ZCCHC24: variants seen among roughly 807,000 people sequenced by gnomAD.
The protein encoded by ZCCHC24 is zinc finger CCHC domain-containing protein 24.
Under a neutral mutation model 26.2 loss-of-function variants are expected in ZCCHC24, and 10 were observed. The ratio of observed to expected loss-of-function variants is 0.38; its 90% confidence interval spans 0.24 to 0.65. The LOEUF is 0.65. Ranked by LOEUF, ZCCHC24 falls within the 30% of genes least tolerant of loss-of-function variation. The pLI is 0.54. For missense variants in ZCCHC24, 243 were observed against 329.1 expected, an observed-to-expected ratio of 0.74 and a Z score of 2.03; for synonymous variants, 144 against 147.1, an observed-to-expected ratio of 0.98 and a Z score of 0.15.
intron 2 of ZCCHC24, among the ~76,000 whole-genome samples, chr10:79,406,898 A>T (rs747074976): frequency 6.6e-6 from 1 of 152,214 alleles, no homozygotes; most frequent in Non-Finnish European, 1.5e-5. Context: ...GAGGAGAAGG[A>T]GAAGGGGCTG....
intron 1 of ZCCHC24, chr10:79,443,962 T>C (rs1564643544): frequency 1.7e-6 from 2 of 1,184,708 alleles, no homozygotes; most frequent in Non-Finnish European, 2.3e-6. Context: ...ATTTTATATG[T>C]CCATGCCTCC....
intron 2 of ZCCHC24, among the ~76,000 whole-genome samples, chr10:79,422,666 T>G (rs1411027639): frequency 2.0e-5 from 3 of 152,226 alleles, no homozygotes; most frequent in Non-Finnish European, 4.4e-5. Flanking sequence ...CGATGATTGT[T>G]TTCTGTCTAA....
At chr10:79,401,676 G>A (rs936299381) in intron 2 of ZCCHC24, among the ~76,000 whole-genome samples, 1 of 152,224 alleles carries the variant, frequency 6.6e-6, no homozygotes, top group Non-Finnish European at 1.5e-5. Context: ...ATGAGAGGTT[G>A]GACTGACTGC....
At chr10:79,411,087 A>C (rs1318492858) in intron 2 of ZCCHC24, among the ~76,000 whole-genome samples, 5 of 152,126 alleles carry the variant, frequency 3.3e-5, no homozygotes, top group African/African-American at 1.2e-4. Context: ...ACTGGCCGTC[A>C]CTGGACAGCA....
chr10:79,390,154 A>C (rs1856459594), intron 3 of ZCCHC24, among the ~76,000 whole-genome samples: 1 of 152,148 alleles, frequency 6.6e-6, no homozygotes, highest in Non-Finnish European at 1.5e-5. Context: ...TACAGGTATG[A>C]GCCACTGTGC....
At chr10:79,423,389 A>G (rs1856973372) in intron 2 of ZCCHC24, among the ~76,000 whole-genome samples, 1 of 151,312 alleles carries the variant, frequency 6.6e-6, no homozygotes, top group South Asian at 2.1e-4. Flanking sequence ...TGTCTCTACT[A>G]AAAATTCAAA....
chr10:79,433,719 T>C (rs1464426218), intron 1 of ZCCHC24, among the ~76,000 whole-genome samples: 2 of 152,114 alleles, frequency 1.3e-5, no homozygotes, highest in Admixed American at 6.5e-5. Context: ...GCTGCGGACC[T>C]TGGGGGGCCT....
intron 2 of ZCCHC24, 42 bp downstream of exon 2, chr10:79,432,516 T>C (rs1432048839): frequency 6.3e-7 from 1 of 1,577,010 alleles, no homozygotes; most frequent in Non-Finnish European, 8.6e-7. Context: ...CGCAGGTCAG[T>C]AGGGGAGCCC....
In ZCCHC24 at chr10:79,432,658, G is replaced by C; in HGVS notation, c.347C>G (p.Thr116Ser). The C allele has an allele frequency of 6.2e-7, 1 of 1,609,774 alleles. No homozygotes were observed. Among genetic ancestry groups the C allele is most frequent in the Non-Finnish European group, 8.5e-7 (1 of 1,178,258 alleles). The change falls in exon 2 of 4, where the codon ACC becomes AGC. Residue 116 changes from threonine to serine, a missense_variant. Thr to Ser is a moderately conservative substitution (Grantham distance 58, BLOSUM62 1). Transcript: ENST00000372336. ...SSLTEHFSDL[T>S]LTSEARKPSK... is the part of the protein sequence containing the mutation. ...GGGCTTGCGAGCCTCGGAGGTGAGG[G>C]TCAGGTCTGAGAAGTGCTCGGTGAG...
At chr10:79,411,390 C>A in intron 2 of ZCCHC24, among the ~76,000 whole-genome samples, 1 of 152,212 alleles carries the variant, frequency 6.6e-6, no homozygotes, top group South Asian at 2.1e-4. Flanking sequence ...TGAACACAGG[C>A]CACGGTGGCA....
chr10:79,423,531 A>ATCT (rs1297745908), intron 2 of ZCCHC24, among the ~76,000 whole-genome samples: 1 of 136,442 alleles, frequency 7.3e-6, no homozygotes, highest in East Asian at 2.7e-4. Flanking sequence ...AGCCTGGGTG[A>ATCT]CAGAGTGAGA....
At chr10:79,398,560 ATGGGAGGGAAACC>A (rs572765112) in intron 2 of ZCCHC24, among the ~76,000 whole-genome samples, 7 of 134,206 alleles carry the variant, frequency 5.2e-5, no homozygotes, top group Non-Finnish European at 9.4e-5. Flanking sequence ...GGTTCCAGAG[ATGGGAGGGAAACC>A]TGGGAGGGAT....
chr10:79,408,525 C>T (rs1189075499), intron 2 of ZCCHC24, among the ~76,000 whole-genome samples: 1 of 152,174 alleles, frequency 6.6e-6, no homozygotes, highest in Admixed American at 6.5e-5. Flanking sequence ...AATTAGGCAC[C>T]CACAAGGCAC....
rs545028852 is a variant in ZCCHC24, at chr10:79,383,473, A to G, written c.*2872T>C. ...AACGGGAAACAGAAAAGTTCTCACC[A>G]TAAATATTTTCTTGCAGCTCAACCA... On this transcript the variant is annotated 3_prime_UTR_variant, in exon 4 of 4. Coordinates refer to ENST00000372336, the MANE Select transcript of ZCCHC24 (RefSeq NM_153367.4). 7.2e-5 allele frequency: 11 copies of G among 152,522 alleles called. No individual in the cohort carries two copies. The highest frequency in any genetic ancestry group is 2.6e-4 in the African/African-American group (11 of 41,588). The allele number at this position is 152,522 out of a possible 1,614,324, so 9.4% of individuals were successfully genotyped here. A position where few individuals can be genotyped will look rare whatever the true frequency, so the allele number is the denominator to read the frequency against.
chr10:79,438,498 CT>C (rs949899003), intron 1 of ZCCHC24, among the ~76,000 whole-genome samples: 1 of 152,200 alleles, frequency 6.6e-6, no homozygotes, highest in African/African-American at 2.4e-5. Context: ...TGCTCAGCCC[CT>C]GGCTCTGTTT....
Position 79,445,595 on chromosome 10 carries a change from C to T in ZCCHC24, c.-155G>A, listed in dbSNP as rs1857357034. The T allele has an allele frequency of 3.8e-6, 2 of 529,522 alleles. No individual in the cohort carries two copies. The highest frequency in any genetic ancestry group is 4.9e-6 in the Non-Finnish European group (2 of 410,322). The allele number at this position is 529,522 out of a possible 1,614,324, so 32.8% of individuals were successfully genotyped here. On this transcript the variant is annotated 5_prime_UTR_variant, in exon 1 of 4. Coordinates refer to ENST00000372336, the MANE Select transcript of ZCCHC24 (RefSeq NM_153367.4). ...CTGCGCCCCGCGCGCTGCCCGCAGC[C>T]GCTGCCGCTGCCGCCGCCTCCCCCC... is the stretch of plus-strand genomic sequence containing the variant.
At chr10:79,438,344 C>T (rs146992704) in intron 1 of ZCCHC24, among the ~76,000 whole-genome samples, 4 of 152,312 alleles carry the variant, frequency 2.6e-5, no homozygotes, top group South Asian at 2.1e-4. Flanking sequence ...CATCTATCTG[C>T]GGCTGGTCAA....
rs1203108967 is a variant in ZCCHC24 at position 79,445,592 on chromosome 10, A to AGCCGCT, written c.-158_-153dup. On this transcript the variant is annotated 5_prime_UTR_variant, in exon 1 of 4. Coordinates refer to ENST00000372336, the MANE Select transcript of ZCCHC24 (RefSeq NM_153367.4). The stretch of plus-strand genomic sequence containing the variant: ...GCCCTGCGCCCCGCGCGCTGCCCGC[A>AGCCGCT]GCCGCTGCCGCTGCCGCCGCCTCCC... 17 of 610,596 alleles carry AGCCGCT rather than the reference A, an allele frequency of 2.8e-5. No homozygotes were observed. The highest frequency in any genetic ancestry group is 1.8e-4 in the Admixed American group (3 of 16,370). The allele number at this position is 610,596 out of a possible 1,614,324, so 37.8% of individuals were successfully genotyped here.
intron 2 of ZCCHC24, among the ~76,000 whole-genome samples, chr10:79,394,909 G>A (rs1243128241): frequency 6.6e-6 from 1 of 152,156 alleles, no homozygotes; most frequent in Admixed American, 6.5e-5. Flanking sequence ...CCCCTACTAG[G>A]AGGCAATCTA....
Sources: gnomAD v4.1 joint callset for allele counts (sites outside exome capture counted in the v4.1 genomes callset) on GRCh38, gnomAD v4.1.1 for gene constraint, MANE v1.5 for transcripts, NCBI Gene and HGNC (gene_info 2026-07-23, HGNC 2026-07-21) for gene names.